Variants in FGF14 observed in about 807,000 individuals in gnomAD.
FGF14 encodes the protein fibroblast growth factor 14, also known as fibroblast growth factor homologous factor 4.
Under a neutral mutation model 25.5 loss-of-function variants are expected in FGF14, and 5 were observed. That is an observed-to-expected ratio of 0.20 (90% CI 0.10 to 0.41). The LOEUF (loss-of-function observed/expected upper bound fraction) is 0.41, where lower values mean the gene tolerates loss of function less well. FGF14 is among the 10% of genes least tolerant of loss of function. FGF14 has a pLI of 1.00. For synonymous variants in FGF14, 138 were observed against 118.3 expected, an observed-to-expected ratio of 1.17 and a Z score of -1.08; for missense variants, 222 against 320.1, an observed-to-expected ratio of 0.69 and a Z score of 2.34.
rs1466754600 is a variant in FGF14 at position 101,724,826 on chromosome 13, C to G, written c.607+1786G>C. ...CTTAACTGTTTTTAGAGTACTTCTG[C>G]TAATTTTTTGAAAACATAAAAAGTA... On this transcript the variant is annotated intron_variant, in intron 4 of 4. Transcript: ENST00000376143. 2.6e-5 allele frequency among the ~76,000 whole-genome samples: 4 copies of G among 151,232 alleles called. No homozygotes were observed. The East Asian group carries it at 5.8e-4, about 22-fold the overall frequency.
At chr13:102,254,173 C>A (rs550777950) in intron 1 of FGF14, among the ~76,000 whole-genome samples, 16 of 152,276 alleles carry the variant, frequency 1.1e-4, no homozygotes, top group Admixed American at 7.8e-4. Flanking sequence ...CCCAAAACTT[C>A]CAAAAATATA....
At chr13:101,921,069 TAAA>T (rs869223116), upstream of FGF14, among the ~76,000 whole-genome samples, 1 of 63,506 alleles carries the variant, frequency 1.6e-5, no homozygotes, top group Non-Finnish European at 2.9e-5. Context: ...TCTTGATGAT[TAAA>T]AAAAAAAAAT....
intron 3 of FGF14, among the ~76,000 whole-genome samples, chr13:101,741,382 G>C (rs1429815011): frequency 6.6e-6 from 1 of 152,118 alleles, no homozygotes; most frequent in Non-Finnish European, 1.5e-5. Context: ...CAGTACTATA[G>C]TAGGAGACTA....
At chr13:102,195,886 T>C (rs577546578) in intron 1 of FGF14, among the ~76,000 whole-genome samples, 1 of 152,196 alleles carries the variant, frequency 6.6e-6, no homozygotes, top group African/African-American at 2.4e-5. Context: ...TCAGTAATTA[T>C]ACTAACACAG....
intron 1 of FGF14, among the ~76,000 whole-genome samples, chr13:101,959,420 G>A (rs1225001176): frequency 1.3e-5 from 2 of 151,998 alleles, no homozygotes; most frequent in African/African-American, 4.8e-5. Flanking sequence ...TATATTACTG[G>A]TGGTCTTTGG....
chr13:102,151,227 T>C (rs1240298170), intron 1 of FGF14, among the ~76,000 whole-genome samples: 1 of 152,140 alleles, frequency 6.6e-6, no homozygotes, highest in Non-Finnish European at 1.5e-5. Flanking sequence ...TATACCATAA[T>C]GAGGTATATG....
At chr13:101,946,300 C>T (rs1467463810) in intron 1 of FGF14, among the ~76,000 whole-genome samples, 1 of 148,758 alleles carries the variant, frequency 6.7e-6, no homozygotes, top group Non-Finnish European at 1.5e-5. Context: ...GTCCCCACAT[C>T]TACCCAACGT....
At chr13:102,209,579 G>A (rs2050079672) in intron 1 of FGF14, among the ~76,000 whole-genome samples, 4 of 152,166 alleles carry the variant, frequency 2.6e-5, no homozygotes, top group African/African-American at 7.2e-5. Flanking sequence ...GAGCATGAGA[G>A]CAATTCTCCA....
intron 3 of FGF14, among the ~76,000 whole-genome samples, chr13:101,867,718 T>G (rs1431361450): frequency 2.6e-5 from 4 of 152,122 alleles, no homozygotes; most frequent in African/African-American, 2.4e-5. Flanking sequence ...CAGTTCTCTG[T>G]GTGGGAACAC....
chr13:101,715,643 G>T lies in FGF14; in HGVS notation c.*7188C>A, dbSNP rs1346908159. ...TGCATGTGAAATCTGGCTTGGCTCA[G>T]AATATCCTTAACAATTACATGAGAG... is the stretch of plus-strand genomic sequence containing the variant. On this transcript the variant is annotated 3_prime_UTR_variant, in exon 5 of 5. Coordinates refer to ENST00000376143, the MANE Select transcript of FGF14 (RefSeq NM_004115.4). The T allele has an allele frequency of 6.2e-7, 1 of 1,609,286 alleles. No homozygotes were observed. The highest frequency in any genetic ancestry group is 8.5e-7 in the Non-Finnish European group (1 of 1,175,734).
chr13:102,090,882 C>T (rs1199829621), intron 1 of FGF14, among the ~76,000 whole-genome samples: 1 of 152,182 alleles, frequency 6.6e-6, no homozygotes, highest in Non-Finnish European at 1.5e-5. Context: ...CGGCTAGGAG[C>T]CAGTAGTCTA....
At chr13:102,207,945 A>C (rs527286755) in intron 1 of FGF14, among the ~76,000 whole-genome samples, 1 of 152,180 alleles carries the variant, frequency 6.6e-6, no homozygotes, top group African/African-American at 2.4e-5. Flanking sequence ...GTTCACAAAA[A>C]TGTTTAGTGG....
chr13:101,972,797 C>T (rs140756677), intron 1 of FGF14, among the ~76,000 whole-genome samples: 199 of 152,300 alleles, frequency 1.3e-3, no homozygotes, highest in African/African-American at 4.5e-3. Context: ...GCATGAGCCA[C>T]CGTGCCCAGC....
intron 3 of FGF14, among the ~76,000 whole-genome samples, chr13:101,740,676 C>T (rs989257112): frequency 1.3e-5 from 2 of 151,800 alleles, no homozygotes; most frequent in Non-Finnish European, 2.9e-5. Context: ...AAAAAAAAAG[C>T]GTAAGAGTAT....
At chr13:102,074,228 G>C (rs940002889) in intron 1 of FGF14, among the ~76,000 whole-genome samples, 1 of 152,128 alleles carries the variant, frequency 6.6e-6, no homozygotes, top group Non-Finnish European at 1.5e-5. Context: ...TGCCCAGGCT[G>C]GTCTCAAACT....
At chr13:102,123,602 G>GATGT (rs140789519) in intron 1 of FGF14, among the ~76,000 whole-genome samples, 1 of 71,060 alleles carries the variant, frequency 1.4e-5, no homozygotes, top group South Asian at 5.4e-4. Flanking sequence ...ACACTATGAA[G>GATGT]CTGTCCTTAG....
At chr13:101,787,622 A>G (rs1001602917) in intron 3 of FGF14, among the ~76,000 whole-genome samples, 1 of 152,198 alleles carries the variant, frequency 6.6e-6, no homozygotes, top group East Asian at 1.9e-4. Flanking sequence ...CTCTCCTCAG[A>G]GCATGTCAGC....
intron 1 of FGF14, among the ~76,000 whole-genome samples, chr13:102,303,083 G>A (rs931981179): frequency 6.6e-6 from 1 of 152,078 alleles, no homozygotes; most frequent in Non-Finnish European, 1.5e-5. Context: ...GACTCACTCT[G>A]CTCCACCCAA....
chr13:101,868,028 A>G (rs2044824942), intron 3 of FGF14, among the ~76,000 whole-genome samples: 1 of 152,134 alleles, frequency 6.6e-6, no homozygotes, highest in Admixed American at 6.6e-5. Context: ...CATGAGGATG[A>G]CATGTAAGAG....
Sources: gnomAD v4.1 joint callset for allele counts (sites outside exome capture counted in the v4.1 genomes callset) on GRCh38, gnomAD v4.1.1 for gene constraint, MANE v1.5 for transcripts, NCBI Gene and HGNC (gene_info 2026-07-23, HGNC 2026-07-21) for gene names.